CEP128: variants seen among roughly 807,000 people sequenced by gnomAD.
CEP128 encodes the protein centrosomal protein 128kDa.
Under a neutral mutation model 156.7 loss-of-function variants are expected in CEP128, and 132 were observed. The ratio of observed to expected loss-of-function variants is 0.84; its 90% CI spans 0.73 to 0.97. The LOEUF (loss-of-function observed/expected upper bound fraction) is 0.97, where lower values mean the gene tolerates loss of function less well. CEP128 is among the 50% of genes least tolerant of loss of function. The probability of loss-of-function intolerance (pLI) is 0.00; values close to 1 mark genes in which losing one functional copy is unlikely to be tolerated. For synonymous variants in CEP128, 469 were observed against 448.9 expected (o/e 1.04, Z -0.57); for missense variants, 1,252 against 1,281.9 (o/e 0.98, Z 0.36).
intron 23 of CEP128, among the ~76,000 whole-genome samples, chr14:80,513,385 T>A (rs1353442136): frequency 6.6e-6 from 1 of 152,168 alleles, no homozygotes; most frequent in Non-Finnish European, 1.5e-5. Context: ...TTTAATCTTG[T>A]TGCTTTTAAT....
chr14:80,519,747 T>C (rs10146495), intron 23 of CEP128, among the ~76,000 whole-genome samples: 117,829 of 152,102 alleles, frequency 0.77, 47,901 homozygotes, highest in Middle Eastern at 0.9. Context: ...AGGGTGAGGC[T>C]ATGATTGTCT....
intron 19 of CEP128, among the ~76,000 whole-genome samples, chr14:80,715,787 C>T (rs1003489538): frequency 6.6e-6 from 1 of 152,170 alleles, no homozygotes; most frequent in Non-Finnish European, 1.5e-5. Context: ...ACTAATCTCA[C>T]TGTACCTGAG....
At chr14:80,894,144 G>A (rs1044876058) in intron 8 of CEP128, among the ~76,000 whole-genome samples, 2 of 151,508 alleles carry the variant, frequency 1.3e-5, no homozygotes, top group Non-Finnish European at 3.0e-5. Flanking sequence ...AAGAAAAGAT[G>A]GAAAATTAAA....
intron 19 of CEP128, among the ~76,000 whole-genome samples, chr14:80,703,772 T>A (rs1002660347): frequency 6.6e-6 from 1 of 152,070 alleles, no homozygotes; most frequent in Non-Finnish European, 1.5e-5. Context: ...CACTAGTTTT[T>A]ACCCACACTT....
At chr14:80,549,289 C>T (rs1890116185) in intron 21 of CEP128, among the ~76,000 whole-genome samples, 1 of 152,146 alleles carries the variant, frequency 6.6e-6, no homozygotes, top group South Asian at 2.1e-4. Context: ...TGTGCAAAAC[C>T]TTTTTCCGGT....
At chr14:80,589,567 T>C (rs1201955124) in intron 19 of CEP128, among the ~76,000 whole-genome samples, 2 of 152,134 alleles carry the variant, frequency 1.3e-5, no homozygotes, top group Non-Finnish European at 2.9e-5. Flanking sequence ...AAATTGTTAG[T>C]TTCCTCAGTG....
chr14:80,626,356 C>T (rs1017480655), intron 19 of CEP128, among the ~76,000 whole-genome samples: 3 of 149,404 alleles, frequency 2.0e-5, no homozygotes, highest in Admixed American at 1.3e-4. Context: ...CCCAGCTACT[C>T]GGGAGGCTGA....
chr14:80,528,760 C>T (rs77121427), intron 22 of CEP128, among the ~76,000 whole-genome samples: 104 of 152,238 alleles, frequency 6.8e-4, no homozygotes, highest in South Asian at 1.5e-3. Context: ...CAGATGAATG[C>T]GGACATATCT....
chr14:80,914,446 T>C (rs1248234843), intron 3 of CEP128, 38 bp from the exon 4 acceptor site: 2 of 1,494,724 alleles, frequency 1.3e-6, no homozygotes, highest in Non-Finnish European at 1.9e-6. Flanking sequence ...TTATTCCAAA[T>C]ACTTTTTTTT....
chr14:80,956,233 A>T (rs1405504707), intron 2 of CEP128, among the ~76,000 whole-genome samples: 1 of 152,224 alleles, frequency 6.6e-6, no homozygotes, highest in Non-Finnish European at 1.5e-5. Context: ...TTGGGTAATA[A>T]AAAATTGCAA....
intron 7 of CEP128, 76 bp from the exon 8 acceptor site, chr14:80,895,866 G>T: frequency 1.0e-6 from 1 of 978,816 alleles, no homozygotes; most frequent in Non-Finnish European, 1.4e-6. Flanking sequence ...TGTATAACAT[G>T]ATAATTATGT....
At chr14:80,873,101 T>C (rs926317283) in intron 8 of CEP128, among the ~76,000 whole-genome samples, 2 of 152,300 alleles carry the variant, frequency 1.3e-5, no homozygotes, top group African/African-American at 4.8e-5. Context: ...TACAATTATG[T>C]GGGCACAATT....
Position 80,856,720 on chromosome 14 carries a change from C to CTTTTTTT in CEP128, c.762+6030_762+6036dup, listed in dbSNP as rs766724436. Among the ~76,000 whole-genome samples the CTTTTTTT allele has an allele frequency of 5.3e-3, 345 of 65,198 alleles. 14 individuals carry two copies. The highest frequency in any genetic ancestry group is 7.1e-3 in the Non-Finnish European group (253 of 35,612). 42.8% of individuals were successfully genotyped at this position (65,198 alleles called of 152,430 possible). A position where few individuals can be genotyped will look rare whatever the true frequency, so the allele number is the denominator to read the frequency against. ...AGCATTTATCTCATGTTTTTCTTTT[C>CTTTTTTT]TTTTTTTTTTTTTTTTTTTTTTTTT... On this transcript the variant is annotated intron_variant, in intron 9 of 24. Transcript: ENST00000555265.
intron 19 of CEP128, among the ~76,000 whole-genome samples, chr14:80,712,315 G>C (rs890946459): frequency 3.9e-5 from 6 of 152,044 alleles, no homozygotes; most frequent in Non-Finnish European, 8.8e-5. Flanking sequence ...CCTTACTATT[G>C]TCAGGGTACA....
chr14:80,873,531 T>C (rs1236200279), intron 8 of CEP128, among the ~76,000 whole-genome samples: 3 of 152,182 alleles, frequency 2.0e-5, no homozygotes, highest in African/African-American at 7.2e-5. Flanking sequence ...AAACCCCAAA[T>C]TGAAACCATC....
rs1887592713 is a variant in CEP128 at position 80,862,964 on chromosome 14, C to A, written c.646-91G>T. ...AGATAGTTTTATAGCAGATACACTA[C>A]TGCTTAAAGCATTTAAGATTGTTTT... On this transcript the variant is annotated intron_variant, in intron 8 of 24. Coordinates refer to ENST00000555265, the MANE Select transcript of CEP128 (RefSeq NM_152446.5). 6.4e-6 allele frequency: 5 copies of A among 784,024 alleles called. No individual in the cohort carries two copies. The South Asian group carries it at 7.3e-5, about 12-fold the overall frequency. 48.6% of individuals were successfully genotyped at this position (784,024 alleles called of 1,614,324 possible). A position where few individuals can be genotyped will look rare whatever the true frequency, so the allele number is the denominator to read the frequency against.
chr14:80,600,232 CG>C (rs1892523885), intron 19 of CEP128, among the ~76,000 whole-genome samples: 1 of 152,042 alleles, frequency 6.6e-6, no homozygotes, highest in African/African-American at 2.4e-5. Flanking sequence ...TTATTTGAAA[CG>C]TAAAAATTCC....
intron 2 of CEP128, among the ~76,000 whole-genome samples, chr14:80,948,244 G>C (rs567582871): frequency 6.6e-6 from 1 of 152,250 alleles, no homozygotes; most frequent in African/African-American, 2.4e-5. Context: ...TCAAGTTTAA[G>C]AAGAGTCAAG....
At chr14:80,795,808 T>C (rs772298860) in intron 13 of CEP128, among the ~76,000 whole-genome samples, 15 of 152,190 alleles carry the variant, frequency 9.9e-5, no homozygotes, top group Non-Finnish European at 2.2e-4. Context: ...TTGTAGTATT[T>C]TAAAATTTAC....
Sources: allele counts gnomAD v4.1 joint callset (sites outside exome capture counted in the v4.1 genomes callset), GRCh38; gene constraint gnomAD v4.1.1; transcripts MANE v1.5; gene names NCBI Gene and HGNC (gene_info 2026-07-23, HGNC 2026-07-21).